Variants in NKAIN2 observed in about 807,000 individuals in gnomAD.
The protein encoded by NKAIN2 is sodium/potassium transporting ATPase interacting 2.
NKAIN2 carries 14 observed loss-of-function variants against 32.6 expected under a neutral mutation model. The ratio of observed to expected loss-of-function variants is 0.43; its 90% CI spans 0.28 to 0.67. NKAIN2 has a LOEUF of 0.67. NKAIN2 is among the 30% of genes least tolerant of loss of function. The pLI, the probability that NKAIN2 is intolerant of heterozygous loss-of-function variation, is 0.17. For synonymous variants in NKAIN2, 80 were observed against 87.2 expected (o/e 0.92, Z 0.46); for missense variants, 198 against 258.3 (o/e 0.77, Z 1.60).
chr6:124,288,498 G>C (rs1049206286), intron 2 of NKAIN2, among the ~76,000 whole-genome samples: 2 of 152,134 alleles, frequency 1.3e-5, no homozygotes, highest in African/African-American at 4.8e-5. Context: ...TGTTTCAAGA[G>C]TTTAGAACAG....
chr6:124,096,814 C>T (rs1210335487), intron 1 of NKAIN2, among the ~76,000 whole-genome samples: 2 of 146,376 alleles, frequency 1.4e-5, no homozygotes, highest in Non-Finnish European at 3.0e-5. Flanking sequence ...GCCAAGATCG[C>T]GCCACTGCAC....
chr6:124,163,487 C>T (rs1164813899), intron 1 of NKAIN2, among the ~76,000 whole-genome samples: 3 of 151,330 alleles, frequency 2.0e-5, no homozygotes, highest in African/African-American at 7.3e-5. Flanking sequence ...GTCTTGAGTT[C>T]TCTAAAAATT....
intron 3 of NKAIN2, among the ~76,000 whole-genome samples, chr6:124,379,134 AGGGGAG>A (rs1800124052): frequency 2.2e-5 from 1 of 45,094 alleles, no homozygotes. Flanking sequence ...AGGGGAGGAG[AGGGGAG>A]GGGAGGGAGG....
chr6:124,415,878 C>CTTTTTTTTTTTT, intron 3 of NKAIN2, among the ~76,000 whole-genome samples: 21 of 72,586 alleles, frequency 2.9e-4, no homozygotes, highest in African/African-American at 7.0e-4. Context: ...TTTTTATTTG[C>CTTTTTTTTTTTT]TTTTTTTTTT....
chr6:123,997,205 T>A (rs2114702561), intron 1 of NKAIN2, among the ~76,000 whole-genome samples: 1 of 152,362 alleles, frequency 6.6e-6, no homozygotes, highest in South Asian at 2.1e-4. Flanking sequence ...TTTTAATAAC[T>A]CTAGCTTCAT....
chr6:124,722,533 A>C (rs1190962992), intron 4 of NKAIN2, among the ~76,000 whole-genome samples: 1 of 152,212 alleles, frequency 6.6e-6, no homozygotes, highest in Non-Finnish European at 1.5e-5. Context: ...TTAGAGTCTC[A>C]TAAGGAGCAT....
chr6:124,087,082 A>G (rs1273453729), intron 1 of NKAIN2, among the ~76,000 whole-genome samples: 1 of 151,992 alleles, frequency 6.6e-6, no homozygotes, highest in Non-Finnish European at 1.5e-5. Flanking sequence ...GGCACAACTA[A>G]ATAGGATTTA....
chr6:124,466,854 C>A (rs1158297460), intron 3 of NKAIN2, among the ~76,000 whole-genome samples: 1 of 151,796 alleles, frequency 6.6e-6, no homozygotes, highest in Non-Finnish European at 1.5e-5. Context: ...AATATGTTTT[C>A]TTTCCAATTA....
rs6569398 is a variant in NKAIN2, at chr6:124,768,921, T to C, written c.475-22418T>C. ...TAGTGTCACATTTACAAAGCTGTTT[T>C]GGGTCACCACAATCATTGGAATTCA... is the stretch of plus-strand genomic sequence containing the variant. On this transcript the variant is annotated intron_variant, in intron 4 of 6. Transcript: ENST00000368417. Among the ~76,000 whole-genome samples, 1,187 of 152,292 alleles carry C rather than the reference T, an allele frequency of 7.8e-3. 13 individuals carry two copies. The highest frequency in any genetic ancestry group is 0.027 in the African/African-American group (1,138 of 41,572).
At chr6:124,578,185 G>A (rs565780445) in intron 3 of NKAIN2, among the ~76,000 whole-genome samples, 4 of 152,040 alleles carry the variant, frequency 2.6e-5, no homozygotes, top group African/African-American at 9.6e-5. Flanking sequence ...GAAAAGGGGA[G>A]GGAAGAGTGA....
intron 1 of NKAIN2, among the ~76,000 whole-genome samples, chr6:123,853,087 A>C: frequency 6.6e-6 from 1 of 152,198 alleles, no homozygotes; most frequent in East Asian, 1.9e-4. Context: ...ATGTCTTGAT[A>C]CTGTGTGCCA....
At chr6:124,077,050 T>C (rs1783727575) in intron 1 of NKAIN2, among the ~76,000 whole-genome samples, 1 of 152,218 alleles carries the variant, frequency 6.6e-6, no homozygotes, top group Non-Finnish European at 1.5e-5. Flanking sequence ...CTTTGTAAAT[T>C]CGAAATAACA....
At chr6:124,789,512 T>C (rs1419474621) in intron 4 of NKAIN2, among the ~76,000 whole-genome samples, 1 of 152,012 alleles carries the variant, frequency 6.6e-6, no homozygotes, top group East Asian at 1.9e-4. Context: ...CCCATGGCAC[T>C]GGCTCACTCC....
At chr6:124,483,281 T>C (rs543826324) in intron 3 of NKAIN2, among the ~76,000 whole-genome samples, 60 of 152,290 alleles carry the variant, frequency 3.9e-4, no homozygotes, top group African/African-American at 1.3e-3. Context: ...GTCATAGCCA[T>C]GAAAGAATAA....
At chr6:124,050,165 A>G (rs1026320747) in intron 1 of NKAIN2, among the ~76,000 whole-genome samples, 2 of 151,990 alleles carry the variant, frequency 1.3e-5, no homozygotes, top group East Asian at 1.9e-4. Flanking sequence ...TAATGAGCCA[A>G]TTGGGAACTG....
At chr6:123,863,858 T>A (rs1775884044) in intron 1 of NKAIN2, among the ~76,000 whole-genome samples, 1 of 152,226 alleles carries the variant, frequency 6.6e-6, no homozygotes, top group Admixed American at 6.5e-5. Flanking sequence ...AAAGCTCATT[T>A]TTTTTTCTGC....
chr6:124,714,195 G>A (rs1775638976), intron 4 of NKAIN2, among the ~76,000 whole-genome samples: 1 of 152,166 alleles, frequency 6.6e-6, no homozygotes, highest in Admixed American at 6.5e-5. Context: ...AAATATTGGA[G>A]CTGAGGGCTC....
chr6:124,516,128 A>C (rs1315976527), intron 3 of NKAIN2, among the ~76,000 whole-genome samples: 1 of 152,200 alleles, frequency 6.6e-6, no homozygotes. Context: ...CTAGTGGAGC[A>C]AGGAATAAAC....
intron 3 of NKAIN2, among the ~76,000 whole-genome samples, chr6:124,607,044 G>A (rs1583510429): frequency 6.6e-6 from 1 of 152,106 alleles, no homozygotes; most frequent in African/African-American, 2.4e-5. Context: ...AGTTTAGTTT[G>A]TTGGACATGG....
Sources: gnomAD v4.1 joint callset for allele counts (sites outside exome capture counted in the v4.1 genomes callset) on GRCh38, gnomAD v4.1.1 for gene constraint, MANE v1.5 for transcripts, NCBI Gene and HGNC (gene_info 2026-07-23, HGNC 2026-07-21) for gene names.